The following NCKAP5 variants were observed in gnomAD, a reference collection of about 807,000 sequenced individuals.
The protein encoded by NCKAP5 is nck-associated protein 5.
In NCKAP5, 92 loss-of-function variants were observed where a neutral mutation model predicts 167.0. The observed-to-expected ratio is 0.55, with a 90% confidence interval of 0.47 to 0.66. The LOEUF is 0.66. Ranked by LOEUF, NCKAP5 falls within the 30% of genes least tolerant of loss-of-function variation. The pLI is 0.00. For missense variants in NCKAP5, 2,378 were observed against 2,315.0 expected (o/e 1.03, Z -0.56); for synonymous variants, 891 against 877.4 (o/e 1.02, Z -0.27).
chr2:133,186,449 T>A (rs1429372601), intron 5 of NCKAP5, among the ~76,000 whole-genome samples: 1 of 152,150 alleles, frequency 6.6e-6, no homozygotes, highest in African/African-American at 2.4e-5. Flanking sequence ...GGTTTTAGTA[T>A]CAGGATGATG....
At chr2:132,950,724 C>T (rs1205637234) in intron 8 of NCKAP5, among the ~76,000 whole-genome samples, 2 of 152,142 alleles carry the variant, frequency 1.3e-5, no homozygotes, top group Non-Finnish European at 2.9e-5. Flanking sequence ...TGTTTGCCTG[C>T]AGTTGCTTCT....
At position 132,733,615 on chromosome 2, in the gene NCKAP5, G is replaced by A. The variant is rs986672525; in HGVS notation, c.5129-1564C>T. Among the ~76,000 whole-genome samples, 5 of 152,324 alleles carry A rather than the reference G, an allele frequency of 3.3e-5. No individual in the cohort carries two copies. In the East Asian group the frequency reaches 5.8e-4, roughly 18 times the overall value. On this transcript the variant is annotated intron_variant, in intron 16 of 19. Transcript: ENST00000409261. ...AATGGCAAAATGCACAAAGTATTTA[G>A]TATATTTATTACATATTAGTAGATA... is the stretch of plus-strand genomic sequence containing the variant.
chr2:132,708,145 C>T (rs1490984126), intron 19 of NCKAP5, among the ~76,000 whole-genome samples: 1 of 151,674 alleles, frequency 6.6e-6, no homozygotes, highest in African/African-American at 2.4e-5. Flanking sequence ...GCTGTGGTGG[C>T]CATGGGGAGG....
chr2:132,843,488 GTATCT>G (rs1688444879), intron 11 of NCKAP5, among the ~76,000 whole-genome samples: 1 of 151,552 alleles, frequency 6.6e-6, no homozygotes, highest in South Asian at 2.1e-4. Flanking sequence ...AAATTCCACT[GTATCT>G]GTTGTAATTT....
chr2:133,617,104 C>T, the NCKAP5 span, among the ~76,000 whole-genome samples: 6 of 152,086 alleles, frequency 3.9e-5, no homozygotes, highest in Admixed American at 2.0e-4. Flanking sequence ...ATTCAACAGC[C>T]CTTCATGCTA....
intron 16 of NCKAP5, among the ~76,000 whole-genome samples, chr2:132,746,474 G>C (rs1286760140): frequency 2.0e-5 from 3 of 151,664 alleles, no homozygotes; most frequent in Non-Finnish European, 4.4e-5. Context: ...CCTTGGATTA[G>C]GCATCAATTT....
intron 3 of NCKAP5, among the ~76,000 whole-genome samples, chr2:133,493,001 A>G (rs1259892769): frequency 6.6e-6 from 1 of 152,222 alleles, no homozygotes; most frequent in Non-Finnish European, 1.5e-5. Flanking sequence ...GAAGGTCATT[A>G]ACAACCTCTG....
At chr2:133,286,855 T>C (rs1679180052) in intron 4 of NCKAP5, among the ~76,000 whole-genome samples, 1 of 152,146 alleles carries the variant, frequency 6.6e-6, no homozygotes, top group African/African-American at 2.4e-5. Flanking sequence ...ACAGGAATGG[T>C]ACACAGAACA....
chr2:133,003,758 T>C (rs1473394799), intron 6 of NCKAP5, among the ~76,000 whole-genome samples: 2 of 152,194 alleles, frequency 1.3e-5, no homozygotes, highest in Non-Finnish European at 1.5e-5. Flanking sequence ...ACCACAGCAC[T>C]CTAATTCACT....
chr2:133,316,540 C>T (rs1322623333), intron 3 of NCKAP5, among the ~76,000 whole-genome samples: 3 of 152,206 alleles, frequency 2.0e-5, no homozygotes. Context: ...CATTTATGCA[C>T]TAACACATAA....
At chr2:133,010,079 A>ATAAAT (rs34078018) in intron 6 of NCKAP5, among the ~76,000 whole-genome samples, 5 of 150,998 alleles carry the variant, frequency 3.3e-5, no homozygotes, top group Non-Finnish European at 5.9e-5. Context: ...TCAAAAAAAA[A>ATAAAT]AAATAAATAA....
chr2:133,549,954 G>T (rs1343267095), intron 2 of NCKAP5, among the ~76,000 whole-genome samples: 7 of 146,088 alleles, frequency 4.8e-5, no homozygotes, highest in Non-Finnish European at 1.1e-4. Flanking sequence ...TACCATCAGA[G>T]AATACTACAA....
intron 3 of NCKAP5, among the ~76,000 whole-genome samples, chr2:133,474,809 TTG>T (rs1342853464): frequency 9.3e-4 from 129 of 138,524 alleles, no homozygotes; most frequent in African/African-American, 3.9e-3. Flanking sequence ...GGTTTTTTTT[TTG>T]TTGTTGTTGT....
chr2:133,527,573 T>C (rs930025758), intron 2 of NCKAP5, among the ~76,000 whole-genome samples: 21 of 139,086 alleles, frequency 1.5e-4, no homozygotes, highest in African/African-American at 4.1e-4. Context: ...CCAATTAACA[T>C]ACTGAAAACA....
At chr2:133,363,619 T>C (rs1685266242) in intron 3 of NCKAP5, among the ~76,000 whole-genome samples, 2 of 152,308 alleles carry the variant, frequency 1.3e-5, no homozygotes, top group African/African-American at 2.4e-5. Context: ...TTATGGATTG[T>C]AGTGTGTTGT....
chr2:133,485,911 T>C (rs1680865009), intron 3 of NCKAP5, among the ~76,000 whole-genome samples: 1 of 152,116 alleles, frequency 6.6e-6, no homozygotes, highest in Non-Finnish European at 1.5e-5. Flanking sequence ...GCAACAACAC[T>C]ATGAGGCAGA....
chr2:133,587,715 G>GC, the NCKAP5 span, among the ~76,000 whole-genome samples: 2 of 152,296 alleles, frequency 1.3e-5, no homozygotes, highest in East Asian at 3.9e-4. Context: ...CCCATGCCTT[G>GC]CCACAAGCAT....
chr2:133,620,421 G>A, the NCKAP5 span, among the ~76,000 whole-genome samples: 17 of 151,958 alleles, frequency 1.1e-4, no homozygotes, highest in Non-Finnish European at 1.6e-4. Context: ...GTAAAGGGAT[G>A]GAAAAAGATA....
chr2:133,369,432 A>C (rs1685658675), intron 3 of NCKAP5, among the ~76,000 whole-genome samples: 1 of 152,218 alleles, frequency 6.6e-6, no homozygotes. Context: ...GATGGGGTTC[A>C]CTATTTCAGA....
Sources: gnomAD v4.1 joint callset for allele counts (sites outside exome capture counted in the v4.1 genomes callset) on GRCh38, gnomAD v4.1.1 for gene constraint, MANE v1.5 for transcripts, NCBI Gene and HGNC (gene_info 2026-07-23, HGNC 2026-07-21) for gene names.